CNTNAP2: variants seen among roughly 807,000 people sequenced by gnomAD.
The protein encoded by CNTNAP2 is contactin associated protein 2, also known as contactin-associated protein-like 2.
A neutral mutation model predicts 155.2 loss-of-function variants in CNTNAP2; 98 were observed. That is an observed-to-expected ratio of 0.63 (90% confidence interval 0.54 to 0.75). The LOEUF (loss-of-function observed/expected upper bound fraction) is 0.75, where lower values mean the gene tolerates loss of function less well. Among genes scored for constraint, CNTNAP2 ranks in the 30% least tolerant of loss-of-function variants. The pLI is 0.00. For missense variants in CNTNAP2, 1,727 were observed against 1,688.1 expected (o/e 1.02, Z -0.40); for synonymous variants, 651 against 631.2 (o/e 1.03, Z -0.47).
At chr7:146,783,897 T>C (rs1451030883) in intron 2 of CNTNAP2, among the ~76,000 whole-genome samples, 1 of 152,222 alleles carries the variant, frequency 6.6e-6, no homozygotes, top group Non-Finnish European at 1.5e-5. Context: ...ATTTCCACTT[T>C]GGGATTTGCT....
rs569529652 is a variant in CNTNAP2, at chr7:146,985,763, TAAG to T, written c.403-58140_403-58138del. Among the ~76,000 whole-genome samples, 376 of 152,252 alleles carry T rather than the reference TAAG, an allele frequency of 2.5e-3. 1 individual carries two copies. The highest frequency in any genetic ancestry group is 8.3e-3 in the African/African-American group (343 of 41,568). On this transcript the variant is annotated intron_variant, in intron 3 of 23. Transcript: ENST00000361727. ...GAAATAAAGAAACCAGATATAGAAA[TAAG>T]AAGTTTCTATTTTAAATATTTAATA...
chr7:147,573,595 A>G (rs1359610001), intron 12 of CNTNAP2, among the ~76,000 whole-genome samples: 1 of 152,192 alleles, frequency 6.6e-6, no homozygotes, highest in African/African-American at 2.4e-5. Flanking sequence ...TGGAGGACAG[A>G]GCGGGAAGTT....
rs866119980 is a variant in CNTNAP2 at position 147,919,477 on chromosome 7, G to C, written c.2255+15756G>C. ...TTTCTTTCTTTTTTTTTTTTTTTTT[G>C]AGACAGAGTCTTGCTCTGTCTCCCA... is the stretch of plus-strand genomic sequence containing the variant. On this transcript the variant is annotated intron_variant, in intron 14 of 23. Transcript: ENST00000361727. Among the ~76,000 whole-genome samples, 2 of 8,594 alleles carry C rather than the reference G, an allele frequency of 2.3e-4. 1 individual carries two copies. The highest frequency in any genetic ancestry group is 4.4e-4 in the Non-Finnish European group (2 of 4,500). The allele number at this position is 8,594 out of a possible 152,430, so 5.6% of individuals were successfully genotyped here. A position where few individuals can be genotyped will look rare whatever the true frequency, so the allele number is the denominator to read the frequency against.
chr7:146,934,866 A>T lies in CNTNAP2; in HGVS notation c.402+94962A>T, dbSNP rs528877524. On this transcript the variant is annotated intron_variant, in intron 3 of 23. Transcript: ENST00000361727. ...GACATCAGAGATCACCGTGCTGTGG[A>T]CCGAACAAATGCCATGTAAACAGTG... is the stretch of plus-strand genomic sequence containing the variant. Among the ~76,000 whole-genome samples the T allele has an allele frequency of 2.6e-5, 4 of 152,268 alleles. No individual in the cohort carries two copies. In the South Asian group the frequency reaches 8.3e-4, roughly 32 times the overall value.
At chr7:147,939,807 C>T (rs574831058) in intron 14 of CNTNAP2, among the ~76,000 whole-genome samples, 1 of 152,254 alleles carries the variant, frequency 6.6e-6, no homozygotes, top group East Asian at 1.9e-4. Flanking sequence ...CTCTCTCACA[C>T]ACACACCCCC....
intron 11 of CNTNAP2, among the ~76,000 whole-genome samples, chr7:147,534,013 T>C (rs1376640143): frequency 6.6e-6 from 1 of 152,202 alleles, no homozygotes; most frequent in Non-Finnish European, 1.5e-5. Flanking sequence ...TTTAAAGAGA[T>C]CAGTATTGCC....
intron 1 of CNTNAP2, among the ~76,000 whole-genome samples, chr7:146,739,796 A>G (rs1044492263): frequency 6.6e-6 from 1 of 152,014 alleles, no homozygotes; most frequent in Non-Finnish European, 1.5e-5. Context: ...GTATATTAAT[A>G]CTTGGTTTGT....
chr7:147,949,036 T>C (rs926556424), intron 14 of CNTNAP2, among the ~76,000 whole-genome samples: 4 of 151,780 alleles, frequency 2.6e-5, no homozygotes, highest in South Asian at 2.1e-4. Flanking sequence ...ACCCCATCTC[T>C]ACTAAAAATA....
At chr7:146,335,040 G>A (rs578096011) in intron 1 of CNTNAP2, among the ~76,000 whole-genome samples, 1 of 152,308 alleles carries the variant, frequency 6.6e-6, no homozygotes, top group Admixed American at 6.5e-5. Context: ...AAACTGTGAA[G>A]TCAGAGCTTA....
chr7:147,856,097 T>C (rs1799033021), intron 13 of CNTNAP2, among the ~76,000 whole-genome samples: 1 of 152,196 alleles, frequency 6.6e-6, no homozygotes, highest in Non-Finnish European at 1.5e-5. Context: ...TAAATGCTTT[T>C]TCTTGCTAAC....
intron 1 of CNTNAP2, among the ~76,000 whole-genome samples, chr7:146,137,659 T>G (rs1430206194): frequency 6.6e-6 from 1 of 152,012 alleles, no homozygotes; most frequent in Non-Finnish European, 1.5e-5. Context: ...TATTTTCAAT[T>G]TAAAAAATAG....
intron 1 of CNTNAP2, among the ~76,000 whole-genome samples, chr7:146,754,554 G>GTCTCTCTCTCTC (rs143802449): frequency 2.6e-4 from 37 of 144,868 alleles, no homozygotes; most frequent in African/African-American, 5.1e-4. Context: ...CTCTCTCTCT[G>GTCTCTCTCTCTC]TCTCTCTCTC....
At chr7:147,774,135 T>G (rs963006104) in intron 13 of CNTNAP2, among the ~76,000 whole-genome samples, 2 of 152,170 alleles carry the variant, frequency 1.3e-5, no homozygotes, top group Admixed American at 1.3e-4. Flanking sequence ...TTCTGCTTTA[T>G]TTTGGTCTCT....
intron 9 of CNTNAP2, among the ~76,000 whole-genome samples, chr7:147,392,455 A>C (rs190510932): frequency 8.5e-5 from 13 of 152,112 alleles, no homozygotes; most frequent in African/African-American, 3.1e-4. Flanking sequence ...TGGTGCACCC[A>C]TCACCTTAGC....
chr7:146,739,374 T>C (rs1280856798), intron 1 of CNTNAP2, among the ~76,000 whole-genome samples: 1 of 152,004 alleles, frequency 6.6e-6, no homozygotes, highest in African/African-American at 2.4e-5. Context: ...CAAGAAATTT[T>C]TTAAAGTTTT....
rs761529459 is a variant in CNTNAP2, at chr7:148,217,334, T to A, written c.3057T>A (p.Phe1019Leu). 5 of 1,614,106 alleles carry A rather than the reference T, an allele frequency of 3.1e-6. No homozygotes were observed. Among genetic ancestry groups the A allele is most frequent in the Non-Finnish European group, 4.2e-6 (5 of 1,180,006 alleles). ...AAGGGATGTGGCTACGATATAACTT[T>A]CAGGCACCAGCAACAAATGCCAGAG... ...FEEGMWLRYN[F>L]QAPATNARDS... Residue 1019 changes from phenylalanine to leucine, a missense_variant, in exon 19 of 24, where the codon TTT becomes TTA. Transcript: ENST00000361727.
At chr7:146,334,420 G>A (rs1801239048) in intron 1 of CNTNAP2, among the ~76,000 whole-genome samples, 1 of 131,396 alleles carries the variant, frequency 7.6e-6, no homozygotes, top group African/African-American at 3.0e-5. Context: ...GACAGAGCAA[G>A]ACTCCGTCTC....
At chr7:146,196,365 A>G (rs1266788747) in intron 1 of CNTNAP2, among the ~76,000 whole-genome samples, 1 of 152,214 alleles carries the variant, frequency 6.6e-6, no homozygotes, top group Admixed American at 6.5e-5. Flanking sequence ...AAACAGAGCC[A>G]TTGGCATATG....
intron 8 of CNTNAP2, among the ~76,000 whole-genome samples, chr7:147,255,553 T>C (rs1166748456): frequency 6.6e-6 from 1 of 152,176 alleles, no homozygotes; most frequent in Non-Finnish European, 1.5e-5. Context: ...TTGGGTACTA[T>C]GTATTTTAAA....
Sources: gnomAD v4.1 joint callset for allele counts (sites outside exome capture counted in the v4.1 genomes callset) on GRCh38, gnomAD v4.1.1 for gene constraint, MANE v1.5 for transcripts, NCBI Gene and HGNC (gene_info 2026-07-23, HGNC 2026-07-21) for gene names.